Variants in MRGPRF observed in about 807,000 individuals in gnomAD.
The protein encoded by MRGPRF is mas-related G protein-coupled receptor member F.
Under a neutral mutation model 3.3 loss-of-function variants are expected in MRGPRF, and 2 were observed. The ratio of observed to expected loss-of-function variants is 0.61; its 90% CI spans 0.25 to 1.92. MRGPRF has a LOEUF of 1.92. MRGPRF is among the 40% of genes most tolerant of loss of function. MRGPRF has a pLI of 0.16. For missense variants in MRGPRF, 500 were observed against 476.0 expected, an observed-to-expected ratio of 1.05 and a Z score of -0.47; for synonymous variants, 242 against 222.7, an observed-to-expected ratio of 1.09 and a Z score of -0.77.
At chr11:69,006,595 C>T (rs1860495426) in intron 2 of MRGPRF, among the ~76,000 whole-genome samples, 1 of 149,130 alleles carries the variant, frequency 6.7e-6, no homozygotes, top group Non-Finnish European at 1.5e-5. Flanking sequence ...GTCCAAGTCG[C>T]ACAAAAAACT....
chr11:69,013,525 A>G (rs892062801), upstream of MRGPRF: 20 of 152,546 alleles, frequency 1.3e-4, no homozygotes, highest in African/African-American at 4.3e-4. Flanking sequence ...CCGGCTGTAC[A>G]CTTGCCTGGC....
At chr11:69,011,044 C>A (rs1860585081) in intron 1 of MRGPRF, among the ~76,000 whole-genome samples, 1 of 152,142 alleles carries the variant, frequency 6.6e-6, no homozygotes, top group Non-Finnish European at 1.5e-5. Context: ...CCCCTCCTCT[C>A]CCAAGGGGAG....
At chr11:69,011,257 G>T (rs529687699) in intron 1 of MRGPRF, among the ~76,000 whole-genome samples, 111 of 152,290 alleles carry the variant, frequency 7.3e-4, no homozygotes, top group African/African-American at 2.6e-3. Context: ...CTTTAACCCT[G>T]GGCCTCCCGG....
chr11:69,005,994 C>T lies in MRGPRF; in HGVS notation c.316G>A (p.Gly106Ser). Residue 106 changes from glycine (G) to serine (S), a missense_variant, in exon 3 of 3, where the codon GGC (glycine) becomes AGC (serine). Coordinates refer to ENST00000309099, the MANE Select transcript of MRGPRF (RefSeq NM_145015.5). ...KAVFSILNTGGFLGTFADYIR... is the reference protein window; with the variant it reads ...KAVFSILNTGSFLGTFADYIR... ...TAGTCGGCAAACGTGCCCAGGAAGC[C>T]CCCCGTGTTCAGGATGGAGAACACC... The T allele has an allele frequency of 6.4e-7, 1 of 1,565,784 alleles. No individual in the cohort carries two copies. The highest frequency in any genetic ancestry group is 2.4e-5 in the East Asian group (1 of 42,284).
Position 69,005,829 on chromosome 11 carries a change from C to T in MRGPRF, c.481G>A (p.Ala161Thr). The T allele has an allele frequency of 6.5e-7, 1 of 1,531,346 alleles. No individual in the cohort carries two copies. The highest frequency in any genetic ancestry group is 8.8e-7 in the Non-Finnish European group (1 of 1,139,568). The allele number at this position is 1,531,346 out of a possible 1,614,324, so 94.9% of individuals were successfully genotyped here. The change falls in exon 3 of 3, where the codon GCC becomes ACC. Residue 161 changes from alanine (A) to threonine (T), a missense_variant. Transcript: ENST00000309099. Reference sequence around the variant, plus strand: ...ACCCACAGCAGGGCGCACACCACGGCCGACAGGCGCTTGGGCCGCCGGCGC... The same window carrying T: ...ACCCACAGCAGGGCGCACACCACGGTCGACAGGCGCTTGGGCCGCCGGCGC... Reference protein sequence around the residue: ...YWRRRPKRLSAVVCALLWVLS... With the variant: ...YWRRRPKRLSTVVCALLWVLS...
At chr11:69,007,707 T>TA (rs1276451829) in intron 2 of MRGPRF, among the ~76,000 whole-genome samples, 10 of 151,310 alleles carry the variant, frequency 6.6e-5, no homozygotes, top group South Asian at 4.2e-4. Context: ...AAGTTACATT[T>TA]AAAAAAAAAC....
At chr11:69,011,184 C>A (rs1590682606) in intron 1 of MRGPRF, among the ~76,000 whole-genome samples, 2 of 152,150 alleles carry the variant, frequency 1.3e-5, no homozygotes, top group African/African-American at 4.8e-5. Flanking sequence ...GGGCCGTACT[C>A]CTGGCCTCCG....
intron 1 of MRGPRF, among the ~76,000 whole-genome samples, chr11:69,010,929 G>A (rs1860582396): frequency 6.6e-6 from 1 of 152,088 alleles, no homozygotes; most frequent in South Asian, 2.1e-4. Flanking sequence ...CCCCTTCCCC[G>A]CAGAGAAGCA....
intron 1 of MRGPRF, among the ~76,000 whole-genome samples, chr11:69,010,216 C>T (rs1160066707): frequency 1.3e-5 from 2 of 152,270 alleles, no homozygotes; most frequent in Non-Finnish European, 2.9e-5. Context: ...AAGCCCTCTC[C>T]TTTCCCTTTT....
Position 69,006,154 on chromosome 11 carries a change from C to A in MRGPRF, c.156G>T (p.Leu52=). 6.2e-7 allele frequency: 1 copy of A among 1,614,104 alleles called. No homozygotes were observed. The highest frequency in any genetic ancestry group is 8.5e-7 in the Non-Finnish European group (1 of 1,180,030). Residue 52 remains leucine (L), a synonymous_variant, in exon 3 of 3, where the codon CTG becomes CTT. Transcript: ENST00000309099. ...CCACCAGGCCACACAGGCAGAGGAG[C>A]AGGAAGATGTAGTTCATGACGGCCG... ...PPPAVMNYIF[L]LLCLCGLVGN... is the part of the protein sequence containing the mutation.
Position 69,005,489 on chromosome 11 carries a change from T to C in MRGPRF, c.821A>G (p.Tyr274Cys), listed in dbSNP as rs199736282. Residue 274 changes from tyrosine to cysteine, a missense_variant, in exon 3 of 3, where the codon TAC (tyrosine) becomes TGC (cysteine). Tyr to Cys is a radical substitution (Grantham distance 194). Transcript: ENST00000309099. ...GATGCAGATGCACAGGTCAGTGACG[T>C]ACTCGGGGAAGGGGGCCGGGATCTG... ...VFQIPAPFPE[Y>C]VTDLCICINS... 2.0e-5 allele frequency: 31 copies of C among 1,583,838 alleles called. No homozygotes were observed. In the East Asian group the frequency reaches 7.2e-4, roughly 37 times the overall value.
Position 69,005,265 on chromosome 11 carries a change from A to T in MRGPRF, c.*13T>A, listed in dbSNP as rs758498851. The stretch of plus-strand genomic sequence containing the variant: ...GCCGCTTCCTGCCCCTGCCTCCTCC[A>T]GGCGCTGGAGTCTCAGGAGGCGTTC... On this transcript the variant is annotated 3_prime_UTR_variant, in exon 3 of 3. Transcript: ENST00000309099. 4.1e-6 allele frequency: 6 copies of T among 1,469,912 alleles called. No homozygotes were observed. Among genetic ancestry groups the T allele is most frequent in the Non-Finnish European group, 5.4e-6 (6 of 1,116,816 alleles). 91.1% of individuals were successfully genotyped at this position (1,469,912 alleles called of 1,614,324 possible). A position where few individuals can be genotyped will look rare whatever the true frequency, so the allele number is the denominator to read the frequency against.
intron 2 of MRGPRF, among the ~76,000 whole-genome samples, chr11:69,009,112 G>T (rs530709018): frequency 1.1e-3 from 166 of 152,330 alleles, no homozygotes; most frequent in Non-Finnish European, 2.2e-4. Flanking sequence ...GAGGGAGAGG[G>T]CCCAAGGCCC....
At chr11:69,006,777 C>G (rs1860500609) in intron 2 of MRGPRF, among the ~76,000 whole-genome samples, 1 of 152,116 alleles carries the variant, frequency 6.6e-6, no homozygotes, top group South Asian at 2.1e-4. Flanking sequence ...GCACGCGGCA[C>G]CATGCCCGGC....
chr11:69,005,169 CAG>C lies in MRGPRF; in HGVS notation c.*107_*108del. The stretch of plus-strand genomic sequence containing the variant: ...GAGAAGGAGGCCCGAGGAGAGGAAA[CAG>C]ATCTTTCTTCTCCTGTATGGACTCA... On this transcript the variant is annotated 3_prime_UTR_variant, in exon 3 of 3. Transcript: ENST00000309099. 3.0e-6 allele frequency: 4 copies of C among 1,335,610 alleles called. No individual in the cohort carries two copies. The South Asian group carries it at 4.7e-5, about 16-fold the overall frequency. The allele number at this position is 1,335,610 out of a possible 1,614,324, so 82.7% of individuals were successfully genotyped here.
Position 69,006,018 on chromosome 11 carries a change from C to A in MRGPRF, c.292G>T (p.Val98Leu), listed in dbSNP as rs141060948. ...ADVGYLFSKAVFSILNTGGFL... is the reference protein window; with the variant it reads ...ADVGYLFSKALFSILNTGGFL... ...CCCCCCGTGTTCAGGATGGAGAACA[C>A]CGCCTTGCTGAAGAGGTAGCCCACA... The change falls in exon 3 of 3, where the codon GTG (valine) becomes TTG (leucine). Residue 98 changes from valine (V) to leucine (L), a missense_variant. Coordinates refer to ENST00000309099, the MANE Select transcript of MRGPRF (RefSeq NM_145015.5). 9 of 1,571,640 alleles carry A rather than the reference C, an allele frequency of 5.7e-6. No homozygotes were observed. In the African/African-American group the frequency reaches 1.1e-4, roughly 19 times the overall value.
chr11:69,009,815 G>T (rs201014252), intron 2 of MRGPRF, 39 bp downstream of exon 2: 5 of 908,996 alleles, frequency 5.5e-6, no homozygotes, highest in South Asian at 5.1e-5. Context: ...ACCCACACCC[G>T]TCTGGGCAAG....
intron 2 of MRGPRF, among the ~76,000 whole-genome samples, chr11:69,007,180 C>T (rs1860507938): frequency 6.6e-6 from 1 of 152,198 alleles, no homozygotes; most frequent in African/African-American, 2.4e-5. Flanking sequence ...GCTATTTGGG[C>T]ATCAAGGGCT....
chr11:69,005,036 G>C lies in MRGPRF; in HGVS notation c.*242C>G, dbSNP rs1860439014. On this transcript the variant is annotated 3_prime_UTR_variant, in exon 3 of 3. Transcript: ENST00000309099. Reference sequence around the variant, plus strand: ...CCACCTGGGGGCAACTTCTGTACAAGAGGTCTCTAGGGGAGCAGAATGGGT... The same window carrying C: ...CCACCTGGGGGCAACTTCTGTACAACAGGTCTCTAGGGGAGCAGAATGGGT... 1 of 506,328 alleles carries C rather than the reference G, an allele frequency of 2.0e-6. No homozygotes were observed. The highest frequency in any genetic ancestry group is 3.4e-5 in the East Asian group (1 of 29,096). 31.4% of individuals were successfully genotyped at this position (506,328 alleles called of 1,614,324 possible).
Sources: gnomAD v4.1 joint callset for allele counts (sites outside exome capture counted in the v4.1 genomes callset) on GRCh38, gnomAD v4.1.1 for gene constraint, MANE v1.5 for transcripts, NCBI Gene and HGNC (gene_info 2026-07-23, HGNC 2026-07-21) for gene names.